Variants in LRTM3 observed in about 807,000 individuals in gnomAD.
LRTM3 encodes leucine-rich repeat transmembrane protein 3.
the LRTM3 span, among the ~76,000 whole-genome samples, chr13:102,751,312 T>C: frequency 6.7e-6 from 1 of 148,812 alleles, no homozygotes; most frequent in Admixed American, 6.8e-5. Context: ...AGCCAATTAT[T>C]TAAAATAACT....
the LRTM3 span, chr13:102,745,206 G>A: frequency 6.4e-7 from 1 of 1,550,908 alleles, no homozygotes; most frequent in African/African-American, 1.4e-5. Context: ...AAATGTTGCA[G>A]GTGCTGTGGA....
chr13:102,740,751 C>G, the LRTM3 span: 1 of 1,548,774 alleles, frequency 6.5e-7, no homozygotes, highest in Non-Finnish European at 8.7e-7. Context: ...TATTTTTCTT[C>G]CTTTTCTGCC....
At chr13:102,735,181 C>T in the LRTM3 span, 35 of 1,551,290 alleles carry the variant, frequency 2.3e-5, no homozygotes, top group African/African-American at 2.6e-4. Context: ...TGAAACTGTG[C>T]GTATGTAAGA....
At chr13:102,747,327 T>C in the LRTM3 span, 1 of 1,550,114 alleles carries the variant, frequency 6.5e-7, no homozygotes, top group African/African-American at 1.4e-5. Flanking sequence ...ATCTGTTTAA[T>C]TATAATTTCA....
At chr13:102,738,246 A>G in the LRTM3 span, 4 of 1,550,614 alleles carry the variant, frequency 2.6e-6, no homozygotes, top group Admixed American at 3.9e-5. Context: ...TGTTGCATGT[A>G]ATCTTTTGCT....
chr13:102,729,892 G>T, the LRTM3 span: 1 of 1,552,020 alleles, frequency 6.4e-7, no homozygotes, highest in Non-Finnish European at 8.7e-7. Flanking sequence ...CTGGGTGCCT[G>T]TGAGACTTGC....
At chr13:102,749,085 CTGATA>C in the LRTM3 span, 1 of 1,550,036 alleles carries the variant, frequency 6.5e-7, no homozygotes, top group Non-Finnish European at 8.7e-7. Flanking sequence ...AAAGCTATAT[CTGATA>C]TATCTTTCCT....
the LRTM3 span, chr13:102,738,846 A>G: frequency 6.5e-7 from 1 of 1,550,228 alleles, no homozygotes. Context: ...TTGATGTTCA[A>G]CTCTAATTCT....
At chr13:102,732,357 G>C in the LRTM3 span, 3 of 1,551,182 alleles carry the variant, frequency 1.9e-6, no homozygotes, top group Non-Finnish European at 2.6e-6. Flanking sequence ...GGTGTACCAC[G>C]CCCCGTGATA....
the LRTM3 span, chr13:102,736,672 T>C: frequency 2.7e-5 from 42 of 1,550,640 alleles, no homozygotes; most frequent in African/African-American, 2.9e-4. Context: ...TTTCCCCTTG[T>C]TGACTGATGT....
the LRTM3 span, chr13:102,742,710 C>A: frequency 4.5e-6 from 7 of 1,550,594 alleles, no homozygotes; most frequent in African/African-American, 1.4e-5. Flanking sequence ...AAAGGTCTAC[C>A]TTGGGGACTT....
the LRTM3 span, chr13:102,749,690 T>C: frequency 6.4e-7 from 1 of 1,551,450 alleles, no homozygotes; most frequent in Non-Finnish European, 8.7e-7. Flanking sequence ...GTTGCTGGCT[T>C]TGCTCTCAGG....
chr13:102,733,521 T>G, the LRTM3 span: 13 of 1,551,218 alleles, frequency 8.4e-6, no homozygotes, highest in Non-Finnish European at 1.0e-5. Flanking sequence ...GCCTTAGGAC[T>G]GATTTTATGG....
chr13:102,747,537 C>T, the LRTM3 span: 70 of 1,550,776 alleles, frequency 4.5e-5, 1 homozygote, highest in Non-Finnish European at 6.1e-5. Context: ...GACCCCAGGG[C>T]AACTGCAGGT....
chr13:102,746,783 C>G, the LRTM3 span: 3 of 1,551,230 alleles, frequency 1.9e-6, no homozygotes, highest in Non-Finnish European at 2.6e-6. Flanking sequence ...ACTTCCATTA[C>G]TTGGAATATA....
the LRTM3 span, chr13:102,741,515 C>A: frequency 6.5e-7 from 1 of 1,549,210 alleles, no homozygotes; most frequent in Non-Finnish European, 8.7e-7. Flanking sequence ...ACTAATTTTT[C>A]TGTTAATGTA....
the LRTM3 span, chr13:102,742,382 T>C: frequency 2.6e-6 from 4 of 1,546,536 alleles, no homozygotes; most frequent in Non-Finnish European, 3.5e-6. Context: ...GGGATTAGGA[T>C]AACTCCAGAT....
the LRTM3 span, chr13:102,735,891 G>T: frequency 1.9e-6 from 3 of 1,539,282 alleles, no homozygotes; most frequent in Non-Finnish European, 1.8e-6. Context: ...ACCACTCCAG[G>T]TTCCTTTTTG....
the LRTM3 span, chr13:102,736,956 G>A: frequency 1.5e-4 from 235 of 1,551,060 alleles, no homozygotes; most frequent in Non-Finnish European, 1.8e-4. Context: ...CCTGCTGTTC[G>A]TTTGTCTAAT....
Sources: allele counts gnomAD v4.1 joint callset (sites outside exome capture counted in the v4.1 genomes callset), GRCh38; gene constraint gnomAD v4.1.1; transcripts MANE v1.5; gene names NCBI Gene and HGNC (gene_info 2026-07-23, HGNC 2026-07-21).